LCN9: variants seen among roughly 807,000 people sequenced by gnomAD.
LCN9 encodes lipocalin 9.
Under a neutral mutation model 18.5 loss-of-function variants are expected in LCN9, and 22 were observed. The ratio of observed to expected loss-of-function variants is 1.19; its 90% CI spans 0.85 to 1.70. LCN9 has a LOEUF of 1.70. LCN9 is among the 40% of genes most tolerant of loss of function. The pLI is 0.00. For synonymous variants in LCN9, 89 were observed against 83.0 expected (o/e 1.07, Z -0.39); for missense variants, 202 against 201.3 (o/e 1.00, Z -0.02).
At position 135,664,280 on chromosome 9, in the gene LCN9, T is replaced by C; in HGVS notation, c.215T>C (p.Ile72Thr). Reference sequence around the variant, plus strand: ...GAACACTTGAAGAACGGCAGCCTAATATTTGATTTCGAATACATGTGCGTG... The same window carrying C: ...GAACACTTGAAGAACGGCAGCCTAACATTTGATTTCGAATACATGTGCGTG... Residue 72 changes from isoleucine to threonine, a missense_variant, in exon 2 of 6, where the codon ATA becomes ACA. Ile to Thr is a moderately conservative substitution (Grantham distance 89). Coordinates refer to ENST00000619315, the Ensembl canonical transcript of LCN9. The surrounding 1 kb of genome is among the most constrained non-coding windows in gnomAD (Gnocchi z 4.5). 1.9e-6 allele frequency: 3 copies of C among 1,613,832 alleles called. No individual in the cohort carries two copies. The highest frequency in any genetic ancestry group is 2.5e-6 in the Non-Finnish European group (3 of 1,179,796).
In LCN9 at chr9:135,665,183, C is replaced by G. The variant is rs1224966230; in HGVS notation, c.308-62C>G. 8.7e-7 allele frequency: 1 copy of G among 1,152,648 alleles called. No individual in the cohort carries two copies. Among genetic ancestry groups the G allele is most frequent in the Non-Finnish European group, 1.3e-6 (1 of 785,486 alleles). The allele number at this position is 1,152,648 out of a possible 1,614,324, so 71.4% of individuals were successfully genotyped here. A position where few individuals can be genotyped will look rare whatever the true frequency, so the allele number is the denominator to read the frequency against. ...CCCATCCTCACTTGCGGCCACACAG[C>G]ACGTGTCACAGGACCCTGAGGGTGG... On this transcript the variant is annotated intron_variant, in intron 3 of 5. Coordinates refer to ENST00000619315, the Ensembl canonical transcript of LCN9. This position sits in a 1 kb window ranked among gnomAD's most constrained non-coding sequence, Gnocchi z 5.9.
chr9:135,666,140 T>C, exon 6 of LCN9: 1 of 1,593,156 alleles, frequency 6.3e-7, no homozygotes, highest in South Asian at 1.1e-5. Context: ...CCTGTGTGAG[T>C]CTCCAGGGGC....
intron 1 of LCN9, 115 bp downstream of exon 1, chr9:135,663,532 C>A: frequency 1.2e-6 from 1 of 824,920 alleles, no homozygotes; most frequent in Non-Finnish European, 2.0e-6. Context: ...GAGCCCACCT[C>A]TCCTCCCCAA....
Position 135,665,506 on chromosome 9 carries a change from G to T in LCN9, c.418+151G>T, listed in dbSNP as rs1681476002. 8.6e-6 allele frequency: 7 copies of T among 813,310 alleles called. No individual in the cohort carries two copies. Among genetic ancestry groups the T allele is most frequent in the African/African-American group, 1.7e-5 (1 of 58,898 alleles). The allele number at this position is 813,310 out of a possible 1,614,324, so 50.4% of individuals were successfully genotyped here. A position where few individuals can be genotyped will look rare whatever the true frequency, so the allele number is the denominator to read the frequency against. On this transcript the variant is annotated intron_variant, in intron 4 of 5. Coordinates refer to ENST00000619315, the Ensembl canonical transcript of LCN9. The surrounding 1 kb of genome is among the most constrained non-coding windows in gnomAD (Gnocchi z 5.9). ...TCCTTCCCACAGACACACCGTTAGG[G>T]TGCTGGGTGCTTCAATCTGTCACCT...
In LCN9 at chr9:135,664,765, A is replaced by G; in HGVS notation, c.277A>G (p.Thr93Ala). The change falls in exon 3 of 6, where the codon ACA (threonine) becomes GCA (alanine). Residue 93 changes from threonine to alanine, a missense_variant. Coordinates refer to ENST00000619315, the Ensembl canonical transcript of LCN9. The surrounding 1 kb of genome is among the most constrained non-coding windows in gnomAD (Gnocchi z 4.5). The stretch of plus-strand genomic sequence containing the variant: ...GGCTGTGGTCGTGGTCTGCGAGAAG[A>G]CAGAGAAGAATGGGGAATACTCCAT... The G allele has an allele frequency of 6.3e-7, 1 of 1,598,120 alleles. No individual in the cohort carries two copies. Among genetic ancestry groups the G allele is most frequent in the Non-Finnish European group, 8.5e-7 (1 of 1,172,646 alleles).
chr9:135,665,180 C>G lies in LCN9; in HGVS notation c.308-65C>G. The stretch of plus-strand genomic sequence containing the variant: ...CCCCCCATCCTCACTTGCGGCCACA[C>G]AGCACGTGTCACAGGACCCTGAGGG... On this transcript the variant is annotated intron_variant, in intron 3 of 5. Transcript: ENST00000619315. This position sits in a 1 kb window ranked among gnomAD's most constrained non-coding sequence, Gnocchi z 5.9. 8.8e-7 allele frequency: 1 copy of G among 1,138,856 alleles called. No homozygotes were observed. Among genetic ancestry groups the G allele is most frequent in the Middle Eastern group, 2.3e-4 (1 of 4,396 alleles). 70.5% of individuals were successfully genotyped at this position (1,138,856 alleles called of 1,614,324 possible).
exon 6 of LCN9, chr9:135,666,014 T>C: frequency 4.4e-6 from 7 of 1,599,886 alleles, no homozygotes; most frequent in Non-Finnish European, 5.9e-6. Context: ...CTCCCCCTGG[T>C]CTGGGAACCG....
chr9:135,665,570 C>T lies in LCN9; in HGVS notation c.419-118C>T, dbSNP rs891585690. 31 of 1,016,806 alleles carry T rather than the reference C, an allele frequency of 3.0e-5. No individual in the cohort carries two copies. The highest frequency in any genetic ancestry group is 2.2e-4 in the African/African-American group (14 of 62,934). 63.0% of individuals were successfully genotyped at this position (1,016,806 alleles called of 1,614,324 possible). A position where few individuals can be genotyped will look rare whatever the true frequency, so the allele number is the denominator to read the frequency against. On this transcript the variant is annotated intron_variant, in intron 4 of 5. Coordinates refer to ENST00000619315, the Ensembl canonical transcript of LCN9. This position sits in a 1 kb window ranked among gnomAD's most constrained non-coding sequence, Gnocchi z 5.9. The stretch of plus-strand genomic sequence containing the variant: ...GCACAAAGCCCCTCTCTGGTCAGGG[C>T]GTGACCCCCTGCCCAGCCTCAGCAC...
chr9:135,666,752 C>T (rs1018573604), exon 6 of LCN9, among the ~76,000 whole-genome samples: 3 of 151,968 alleles, frequency 2.0e-5, no homozygotes, highest in Non-Finnish European at 2.9e-5. Flanking sequence ...AGATGGCAAC[C>T]GGCAACCAAG....
At position 135,665,651 on chromosome 9, in the gene LCN9, C is replaced by T. The variant is rs765321908; in HGVS notation, c.419-37C>T. On this transcript the variant is annotated intron_variant, in intron 4 of 5. Coordinates refer to ENST00000619315, the Ensembl canonical transcript of LCN9. This position sits in a 1 kb window ranked among gnomAD's most constrained non-coding sequence, Gnocchi z 5.9. ...CACACAGAACCAACTCTGTTCCCAGCACGGGTCCCATAGCTGGAACCCTCC... is the reference window on the plus strand; with the variant it reads ...CACACAGAACCAACTCTGTTCCCAGTACGGGTCCCATAGCTGGAACCCTCC... 1 of 1,589,512 alleles carries T rather than the reference C, an allele frequency of 6.3e-7. No individual in the cohort carries two copies. The highest frequency in any genetic ancestry group is 1.1e-5 in the South Asian group (1 of 88,110).
Position 135,664,846 on chromosome 9 carries a change from T to C in LCN9, c.307+51T>C. Reference sequence around the variant, plus strand: ...GTCTCACAGTCGGGGGTCTCCTTTCTCCAGGGCCTGGGCCATATTCTGGTG... The same window carrying C: ...GTCTCACAGTCGGGGGTCTCCTTTCCCCAGGGCCTGGGCCATATTCTGGTG... On this transcript the variant is annotated intron_variant, in intron 3 of 5. Coordinates refer to ENST00000619315, the Ensembl canonical transcript of LCN9. This position sits in a 1 kb window ranked among gnomAD's most constrained non-coding sequence, Gnocchi z 4.5. 1.3e-6 allele frequency: 2 copies of C among 1,521,718 alleles called. No individual in the cohort carries two copies. The highest frequency in any genetic ancestry group is 1.8e-6 in the Non-Finnish European group (2 of 1,121,948). The allele number at this position is 1,521,718 out of a possible 1,614,324, so 94.3% of individuals were successfully genotyped here.
chr9:135,665,154 A>AC lies in LCN9; in HGVS notation c.308-85dup, dbSNP rs1385159183. ...CCCTCCCGCCTCAAAAGGCCACTTGACCCCCCATCCTCACTTGCGGCCACA... is the reference window on the plus strand; with the variant it reads ...CCCTCCCGCCTCAAAAGGCCACTTGACCCCCCCATCCTCACTTGCGGCCACA... On this transcript the variant is annotated intron_variant, in intron 3 of 5. Coordinates refer to ENST00000619315, the Ensembl canonical transcript of LCN9. This position sits in a 1 kb window ranked among gnomAD's most constrained non-coding sequence, Gnocchi z 5.9. The AC allele has an allele frequency of 1.2e-5, 11 of 897,062 alleles. No homozygotes were observed. Among genetic ancestry groups the AC allele is most frequent in the African/African-American group, 3.3e-5 (2 of 60,448 alleles). The allele number at this position is 897,062 out of a possible 1,614,324, so 55.6% of individuals were successfully genotyped here. A position where few individuals can be genotyped will look rare whatever the true frequency, so the allele number is the denominator to read the frequency against.
rs1027508722 is a variant in LCN9 at position 135,665,833 on chromosome 9, G to A, written c.*10-28G>A. ...GTGTGCCTGCGGGGTCCCTGTCCCT[G>A]CGCTGAGAGCCCCCTCTGTCCTTCC... On this transcript the variant is annotated intron_variant, in intron 5 of 5. Coordinates refer to ENST00000619315, the Ensembl canonical transcript of LCN9. The surrounding 1 kb of genome is among the most constrained non-coding windows in gnomAD (Gnocchi z 5.9). 6.2e-7 allele frequency: 1 copy of A among 1,612,298 alleles called. No homozygotes were observed. Among genetic ancestry groups the A allele is most frequent in the East Asian group, 2.2e-5 (1 of 44,804 alleles).
chr9:135,665,947 G>A lies in LCN9; in HGVS notation c.*96G>A, dbSNP rs1355618764. ...CGGGACGGGCAGGGGGCTGGATGGGGAGAGCTTGGGGCCAACGTCAGAGGC... is the reference window on the plus strand; with the variant it reads ...CGGGACGGGCAGGGGGCTGGATGGGAAGAGCTTGGGGCCAACGTCAGAGGC... On this transcript the variant is annotated 3_prime_UTR_variant, in exon 6 of 6. Coordinates refer to ENST00000619315, the Ensembl canonical transcript of LCN9. The surrounding 1 kb of genome is among the most constrained non-coding windows in gnomAD (Gnocchi z 5.9). 1.2e-6 allele frequency: 2 copies of A among 1,603,640 alleles called. No homozygotes were observed. The highest frequency in any genetic ancestry group is 3.4e-5 in the Admixed American group (2 of 59,084).
exon 6 of LCN9, among the ~76,000 whole-genome samples, chr9:135,666,951 G>A (rs1033518130): frequency 2.6e-5 from 4 of 152,172 alleles, no homozygotes; most frequent in Non-Finnish European, 4.4e-5. Context: ...TAAAAGGGAG[G>A]TACCAGCCAA....
exon 1 of LCN9, chr9:135,663,371 A>C (rs368300865): frequency 6.2e-7 from 1 of 1,613,932 alleles, no homozygotes; most frequent in Non-Finnish European, 8.5e-7. Flanking sequence ...GCAGCCCAGG[A>C]GTTCGATCCC....
Position 135,664,319 on chromosome 9 carries a change from C to T in LCN9, c.233+21C>T. The T allele has an allele frequency of 6.2e-7, 1 of 1,613,386 alleles. No individual in the cohort carries two copies. Among genetic ancestry groups the T allele is most frequent in the Non-Finnish European group, 8.5e-7 (1 of 1,179,668 alleles). On this transcript the variant is annotated intron_variant, in intron 2 of 5. Transcript: ENST00000619315. The surrounding 1 kb of genome is among the most constrained non-coding windows in gnomAD (Gnocchi z 4.5). ...TACATGTGCGTGTTGCCCATCTCAG[C>T]TGGCATCAGGAAGACCCATGCCCCT... is the stretch of plus-strand genomic sequence containing the variant.
Position 135,664,837 on chromosome 9 carries a change from TCTC to T in LCN9, c.307+45_307+47del. ...CTCCTCCTGGTCTCACAGTCGGGGG[TCTC>T]CTTTCTCCAGGGCCTGGGCCATATT... On this transcript the variant is annotated intron_variant, in intron 3 of 5. Coordinates refer to ENST00000619315, the Ensembl canonical transcript of LCN9. This position sits in a 1 kb window ranked among gnomAD's most constrained non-coding sequence, Gnocchi z 4.5. 1 of 1,536,782 alleles carries T rather than the reference TCTC, an allele frequency of 6.5e-7. No homozygotes were observed. The highest frequency in any genetic ancestry group is 8.8e-7 in the Non-Finnish European group (1 of 1,134,414).
rs558366207 is a variant in LCN9 at position 135,664,681 on chromosome 9, G to C, written c.234-41G>C. 23 of 1,528,618 alleles carry C rather than the reference G, an allele frequency of 1.5e-5. No homozygotes were observed. In the South Asian group the frequency reaches 2.8e-4, roughly 19 times the overall value. The allele number at this position is 1,528,618 out of a possible 1,614,324, so 94.7% of individuals were successfully genotyped here. ...CTCTCTGCCATCGCACGTCCAGGGGGCTGGAGCTCCACTCCCGGCATCTTC... is the reference window on the plus strand; with the variant it reads ...CTCTCTGCCATCGCACGTCCAGGGGCCTGGAGCTCCACTCCCGGCATCTTC... On this transcript the variant is annotated intron_variant, in intron 2 of 5. Transcript: ENST00000619315. This position sits in a 1 kb window ranked among gnomAD's most constrained non-coding sequence, Gnocchi z 4.5.
Sources: gnomAD v4.1 joint callset for allele counts (sites outside exome capture counted in the v4.1 genomes callset) on GRCh38, gnomAD v4.1.1 for gene constraint, Gnocchi (gnomAD v3.1) non-coding constraint, MANE v1.5 for transcripts, NCBI Gene and HGNC (gene_info 2026-07-23, HGNC 2026-07-21) for gene names.